Variants in FAF1 observed in about 807,000 individuals in gnomAD.
FAF1 encodes the protein Fas associated factor 1, also known as FAS-associated factor 1.
A neutral mutation model predicts 92.5 loss-of-function variants in FAF1; 25 were observed. The ratio of observed to expected loss-of-function variants is 0.27; its 90% CI spans 0.20 to 0.38. FAF1 has a LOEUF of 0.38. Among genes scored for constraint, FAF1 ranks in the 10% least tolerant of loss-of-function variants. FAF1 has a pLI of 1.00. For synonymous variants in FAF1, 234 were observed against 273.2 expected (o/e 0.86, Z 1.42); for missense variants, 636 against 793.3 (o/e 0.80, Z 2.38).
intron 1 of FAF1, among the ~76,000 whole-genome samples, chr1:50,931,015 G>A (rs1449927413): frequency 1.3e-5 from 2 of 152,014 alleles, no homozygotes; most frequent in African/African-American, 2.4e-5. Flanking sequence ...ATGATATATT[G>A]TTTGTCCATC....
In FAF1 at chr1:50,596,216, T is replaced by C; in HGVS notation, c.745A>G (p.Met249Val). ...GWPTSATDDS[M>V]CLAESGLSYP... is the part of the protein sequence containing the mutation. ...GAGAGCCCTGATTCAGCAAGACACA[T>C]CTGCAAAAAGTAGAATCCATCATTT... Residue 249 changes from methionine to valine, a missense_variant and splice_region_variant, in exon 9 of 19, where the codon ATG (methionine) becomes GTG (valine). Physicochemically the swap from Met to Val is conservative, Grantham distance 21 (BLOSUM62 1). Coordinates refer to ENST00000396153, the MANE Select transcript of FAF1 (RefSeq NM_007051.3). 1 of 1,608,246 alleles carries C rather than the reference T, an allele frequency of 6.2e-7. No homozygotes were observed. The highest frequency in any genetic ancestry group is 8.5e-7 in the Non-Finnish European group (1 of 1,176,080).
At chr1:50,575,790 C>T (rs1244535414) in intron 12 of FAF1, among the ~76,000 whole-genome samples, 1 of 152,092 alleles carries the variant, frequency 6.6e-6, no homozygotes, top group African/African-American at 2.4e-5. Flanking sequence ...AGTTTGTTTG[C>T]CTGGTTTTCT....
intron 15 of FAF1, among the ~76,000 whole-genome samples, chr1:50,500,210 G>A (rs908808359): frequency 6.6e-6 from 1 of 151,746 alleles, no homozygotes; most frequent in Non-Finnish European, 1.5e-5. Flanking sequence ...AAGAATTATG[G>A]ATAAAAAATA....
intron 1 of FAF1, among the ~76,000 whole-genome samples, chr1:50,947,545 A>G (rs1645180424): frequency 6.6e-6 from 1 of 152,270 alleles, no homozygotes; most frequent in Non-Finnish European, 1.5e-5. Flanking sequence ...CATGGTGAAC[A>G]ATTTTGACTT....
intron 2 of FAF1, among the ~76,000 whole-genome samples, chr1:50,829,000 C>T (rs1398526129): frequency 1.3e-5 from 2 of 152,152 alleles, no homozygotes; most frequent in African/African-American, 2.4e-5. Context: ...TTTGAATAGG[C>T]ACTCACAAGA....
chr1:50,454,859 A>G (rs1259646922), intron 18 of FAF1, among the ~76,000 whole-genome samples: 2 of 152,206 alleles, frequency 1.3e-5, no homozygotes, highest in African/African-American at 2.4e-5. Context: ...CTGAGGGCAC[A>G]TAAGAGATTT....
chr1:50,781,325 T>C (rs1307927827), intron 4 of FAF1, among the ~76,000 whole-genome samples: 1 of 151,106 alleles, frequency 6.6e-6, no homozygotes, highest in African/African-American at 2.4e-5. Flanking sequence ...AGATACTCCA[T>C]GGGAATGGTA....
intron 8 of FAF1, among the ~76,000 whole-genome samples, chr1:50,634,148 T>C (rs184200175): frequency 1.3e-5 from 2 of 152,184 alleles, no homozygotes; most frequent in Non-Finnish European, 1.5e-5. Flanking sequence ...TTACCATGCA[T>C]AAATGTTCAT....
At chr1:50,749,748 C>A (rs981452626) in intron 4 of FAF1, among the ~76,000 whole-genome samples, 1 of 151,508 alleles carries the variant, frequency 6.6e-6, no homozygotes, top group Non-Finnish European at 1.5e-5. Context: ...TGATCGTTGC[C>A]ACTGCACTCT....
chr1:50,945,247 G>A (rs540963095), intron 1 of FAF1, among the ~76,000 whole-genome samples: 2 of 152,258 alleles, frequency 1.3e-5, no homozygotes, highest in East Asian at 1.9e-4. Context: ...CTAGGGTCAC[G>A]ATGGCGTGGC....
At chr1:50,633,564 G>A (rs1259105628) in intron 8 of FAF1, among the ~76,000 whole-genome samples, 4 of 152,192 alleles carry the variant, frequency 2.6e-5, no homozygotes, top group African/African-American at 9.6e-5. Flanking sequence ...CACCTGAAAA[G>A]CAATCACAAA....
intron 15 of FAF1, among the ~76,000 whole-genome samples, chr1:50,514,399 G>A (rs917464738): frequency 1.3e-5 from 2 of 152,086 alleles, no homozygotes; most frequent in South Asian, 4.1e-4. Flanking sequence ...TTATCTGCTG[G>A]TGCTCAAAAA....
chr1:50,560,833 C>G (rs1649867574), intron 13 of FAF1, among the ~76,000 whole-genome samples: 2 of 152,220 alleles, frequency 1.3e-5, no homozygotes, highest in Non-Finnish European at 2.9e-5. Context: ...CTGGTTAATA[C>G]TGGTGGTTCA....
intron 2 of FAF1, among the ~76,000 whole-genome samples, chr1:50,824,738 C>T (rs1644079440): frequency 6.6e-6 from 1 of 152,044 alleles, no homozygotes; most frequent in South Asian, 2.1e-4. Flanking sequence ...ACATATGGTG[C>T]ATATACACAA....
At chr1:50,481,059 G>C (rs1418065849) in intron 17 of FAF1, among the ~76,000 whole-genome samples, 1 of 152,080 alleles carries the variant, frequency 6.6e-6, no homozygotes, top group East Asian at 1.9e-4. Flanking sequence ...TATAGAATAA[G>C]GATATAAAGA....
chr1:50,910,279 G>T (rs1054517232), intron 1 of FAF1, among the ~76,000 whole-genome samples: 3 of 152,224 alleles, frequency 2.0e-5, no homozygotes, highest in Non-Finnish European at 2.9e-5. Flanking sequence ...TGAATGAGGT[G>T]TCAGTCAGCC....
chr1:50,902,655 G>A (rs1644805610), intron 1 of FAF1, among the ~76,000 whole-genome samples: 1 of 152,070 alleles, frequency 6.6e-6, no homozygotes, highest in Non-Finnish European at 1.5e-5. Context: ...ACCAAAATCT[G>A]AGAATGCAAG....
At chr1:50,821,927 A>G (rs959234136) in intron 2 of FAF1, among the ~76,000 whole-genome samples, 1 of 152,096 alleles carries the variant, frequency 6.6e-6, no homozygotes, top group Non-Finnish European at 1.5e-5. Flanking sequence ...TAAATGGCCT[A>G]CGGTCACCGA....
intron 4 of FAF1, among the ~76,000 whole-genome samples, chr1:50,778,145 T>C (rs1661031395): frequency 6.6e-6 from 1 of 152,172 alleles, no homozygotes. Flanking sequence ...AGACATAATA[T>C]TGAGTGAAAG....
Sources: gnomAD v4.1 joint callset for allele counts (sites outside exome capture counted in the v4.1 genomes callset) on GRCh38, gnomAD v4.1.1 for gene constraint, MANE v1.5 for transcripts, NCBI Gene and HGNC (gene_info 2026-07-23, HGNC 2026-07-21) for gene names.